DAB1: variants seen among roughly 807,000 people sequenced by gnomAD.
DAB1 encodes the protein disabled homolog 1.
DAB1 carries 15 observed loss-of-function variants against 64.6 expected under a neutral mutation model. The ratio of observed to expected loss-of-function variants is 0.23; its 90% CI spans 0.16 to 0.36. The LOEUF is 0.36. Among genes scored for constraint, DAB1 ranks in the 10% least tolerant of loss-of-function variants. DAB1 has a pLI of 1.00. For synonymous variants in DAB1, 235 were observed against 251.9 expected (o/e 0.93, Z 0.64); for missense variants, 596 against 706.7 (o/e 0.84, Z 1.78).
At chr1:57,542,218 T>A (rs778408009) in intron 7 of DAB1, among the ~76,000 whole-genome samples, 15 of 152,058 alleles carry the variant, frequency 9.9e-5, no homozygotes, top group Non-Finnish European at 1.5e-4. Context: ...TTTATCTTCC[T>A]CCTGAAACCA....
At chr1:57,182,505 C>T (rs1663082442) in intron 2 of DAB1, among the ~76,000 whole-genome samples, 1 of 152,192 alleles carries the variant, frequency 6.6e-6, no homozygotes, top group South Asian at 2.1e-4. Context: ...TTACTGTTTA[C>T]ATACTAGGCA....
chr1:57,674,419 T>C (rs75151338), intron 6 of DAB1, among the ~76,000 whole-genome samples: 4 of 152,192 alleles, frequency 2.6e-5, no homozygotes, highest in African/African-American at 7.2e-5. Context: ...ATGAGCTTCT[T>C]TGGCAAGCAC....
At chr1:57,517,638 T>C (rs1236131013) in intron 7 of DAB1, among the ~76,000 whole-genome samples, 4 of 152,248 alleles carry the variant, frequency 2.6e-5, no homozygotes, top group African/African-American at 9.6e-5. Flanking sequence ...CATATTTGCA[T>C]TTCTTTGAAC....
chr1:58,357,026 C>CAAAA (rs3990929), intron 3 of DAB1, among the ~76,000 whole-genome samples: 1 of 86,116 alleles, frequency 1.2e-5, no homozygotes, highest in African/African-American at 5.3e-5. Flanking sequence ...ACCCTGTCTC[C>CAAAA]AAAAAAAAAA....
intron 4 of DAB1, among the ~76,000 whole-genome samples, chr1:57,073,339 C>T (rs902278966): frequency 2.0e-5 from 3 of 152,146 alleles, no homozygotes; most frequent in African/African-American, 7.2e-5. Context: ...CTATGCCTGG[C>T]CTATAGTTGT....
chr1:58,374,531 T>C (rs1644304041), intron 3 of DAB1, among the ~76,000 whole-genome samples: 1 of 151,182 alleles, frequency 6.6e-6, no homozygotes, highest in Admixed American at 6.6e-5. Context: ...TCTGTTCCAT[T>C]GATCTATATC....
intron 2 of DAB1, among the ~76,000 whole-genome samples, chr1:57,186,497 T>A (rs1663576591): frequency 6.6e-6 from 1 of 152,200 alleles, no homozygotes; most frequent in Non-Finnish European, 1.5e-5. Context: ...ACAGGTTCCA[T>A]TTTCCATTGA....
chr1:58,159,057 T>C (rs1331254571), intron 4 of DAB1, among the ~76,000 whole-genome samples: 2 of 152,192 alleles, frequency 1.3e-5, no homozygotes, highest in South Asian at 2.1e-4. Context: ...TCTGAAAGCA[T>C]GTCAAGCTCT....
intron 2 of DAB1, among the ~76,000 whole-genome samples, chr1:57,246,750 G>A (rs1040206619): frequency 7.9e-5 from 12 of 152,330 alleles, no homozygotes; most frequent in East Asian, 1.9e-4. Flanking sequence ...AGCGCTCCAG[G>A]GGCAGAGCTG....
At chr1:57,271,682 C>T (rs980877739) in intron 2 of DAB1, among the ~76,000 whole-genome samples, 7 of 152,166 alleles carry the variant, frequency 4.6e-5, no homozygotes, top group African/African-American at 9.7e-5. Flanking sequence ...CAAGTAGCCC[C>T]GCGGAGGGCC....
intron 5 of DAB1, among the ~76,000 whole-genome samples, chr1:58,008,572 C>T (rs1646621225): frequency 6.6e-6 from 1 of 152,072 alleles, no homozygotes. Context: ...TCAGGGAGCT[C>T]AATCATAGCG....
chr1:57,374,554 T>C (rs1380499352), intron 1 of DAB1, among the ~76,000 whole-genome samples: 1 of 152,182 alleles, frequency 6.6e-6, no homozygotes, highest in East Asian at 1.9e-4. Context: ...GTTGTATTAT[T>C]TGGAGATAAA....
intron 5 of DAB1, among the ~76,000 whole-genome samples, chr1:58,026,236 T>C (rs1174494036): frequency 6.6e-6 from 1 of 152,142 alleles, no homozygotes; most frequent in Non-Finnish European, 1.5e-5. Context: ...AATTTAAAAG[T>C]TGGACATTTG....
chr1:57,520,528 T>C (rs1644513408), intron 7 of DAB1, among the ~76,000 whole-genome samples: 1 of 152,192 alleles, frequency 6.6e-6, no homozygotes, highest in African/African-American at 2.4e-5. Flanking sequence ...CAGTGTAAAT[T>C]ATACCAAAAT....
At chr1:57,065,028 G>C (rs1325133722) in intron 8 of DAB1, among the ~76,000 whole-genome samples, 2 of 152,144 alleles carry the variant, frequency 1.3e-5, no homozygotes, top group East Asian at 3.9e-4. Context: ...CTCACTACGG[G>C]CACTTAGCAC....
intron 1 of DAB1, among the ~76,000 whole-genome samples, chr1:57,356,674 A>G (rs1376089058): frequency 1.3e-5 from 2 of 152,108 alleles, no homozygotes; most frequent in Non-Finnish European, 2.9e-5. Context: ...TCTTGAAAAT[A>G]TAATGTGCTT....
At chr1:57,344,684 G>A (rs12086276) in intron 1 of DAB1, among the ~76,000 whole-genome samples, 7 of 152,006 alleles carry the variant, frequency 4.6e-5, no homozygotes, top group East Asian at 2.0e-4. Flanking sequence ...ATCTGTGCTC[G>A]TGTGTAATTC....
rs77870129 is a variant in DAB1, at chr1:57,759,732, G to C, written n.552-110067C>G. Among the ~76,000 whole-genome samples the C allele has an allele frequency of 5.3e-3, 813 of 152,242 alleles. 7 individuals are homozygous for C. Among genetic ancestry groups the C allele is most frequent in the African/African-American group, 0.019 (790 of 41,546 alleles). On this transcript the variant is annotated intron_variant and non_coding_transcript_variant, in intron 6 of 20. Coordinates refer to the DAB1 transcript ENST00000485760. ...CTCTTTGGGGAATAGACTAGGCAGA[G>C]GTGATGTTAAGAAACCAGTTAGGAG...
intron 7 of DAB1, among the ~76,000 whole-genome samples, chr1:57,510,824 G>C (rs1644397324): frequency 6.6e-6 from 1 of 152,030 alleles, no homozygotes; most frequent in South Asian, 2.1e-4. Context: ...TGTCACCCAG[G>C]CTAGAATGCA....
Sources: allele counts gnomAD v4.1 joint callset (sites outside exome capture counted in the v4.1 genomes callset), GRCh38; gene constraint gnomAD v4.1.1; transcripts MANE v1.5; gene names NCBI Gene and HGNC (gene_info 2026-07-23, HGNC 2026-07-21).